The following MTUS2 variants were observed in gnomAD, a reference collection of about 807,000 sequenced individuals.
The protein encoded by MTUS2 is microtubule-associated tumor suppressor candidate 2.
MTUS2 carries 40 observed loss-of-function variants against 114.1 expected under a neutral mutation model. The ratio of observed to expected loss-of-function variants is 0.35; its 90% CI spans 0.27 to 0.46. The LOEUF (loss-of-function observed/expected upper bound fraction) is 0.46, where lower values mean the gene tolerates loss of function less well. Among genes scored for constraint, MTUS2 ranks in the 20% least tolerant of loss-of-function variants. The pLI, the probability that MTUS2 is intolerant of heterozygous loss-of-function variation, is 1.00. For synonymous variants in MTUS2, 688 were observed against 672.0 expected (o/e 1.02, Z -0.37); for missense variants, 1,679 against 1,705.4 (o/e 0.98, Z 0.27).
chr13:29,472,246 T>C (rs1342566592), intron 9 of MTUS2, among the ~76,000 whole-genome samples: 1 of 152,174 alleles, frequency 6.6e-6, no homozygotes, highest in Non-Finnish European at 1.5e-5. Context: ...GGTCTCCATC[T>C]CCTGACCTCA....
At chr13:29,232,857 G>A (rs4769703) in intron 5 of MTUS2, among the ~76,000 whole-genome samples, 115,624 of 152,166 alleles carry the variant, frequency 0.76, 44,058 homozygotes, top group East Asian at 0.89. Flanking sequence ...TGTATTAAAC[G>A]TTGTGGGAGT....
chr13:29,300,354 C>T lies in MTUS2; in HGVS notation c.2806+18489C>T, dbSNP rs1447740926. 2.6e-5 allele frequency among the ~76,000 whole-genome samples: 4 copies of T among 152,136 alleles called. No individual in the cohort carries two copies. The East Asian group carries it at 5.8e-4, about 22-fold the overall frequency. ...TACACATATTGTATTTAAAATGTTG[C>T]ACACCTGGTATTTTGCCCACCCTGC... On this transcript the variant is annotated intron_variant, in intron 6 of 15. Coordinates refer to ENST00000612955, the MANE Select transcript of MTUS2 (RefSeq NM_001033602.4).
intron 5 of MTUS2, among the ~76,000 whole-genome samples, chr13:29,203,921 C>T (rs1416306488): frequency 6.6e-6 from 1 of 152,090 alleles, no homozygotes; most frequent in Non-Finnish European, 1.5e-5. Context: ...AATCACCCAC[C>T]CTCTGCATTG....
intron 6 of MTUS2, among the ~76,000 whole-genome samples, chr13:29,313,732 C>G (rs1265872938): frequency 6.6e-6 from 1 of 151,950 alleles, no homozygotes; most frequent in Admixed American, 6.6e-5. Flanking sequence ...ATAATGGATA[C>G]AAAAAGATCC....
intron 2 of MTUS2, among the ~76,000 whole-genome samples, chr13:28,918,042 T>C (rs1349434462): frequency 6.6e-6 from 1 of 151,854 alleles, no homozygotes; most frequent in Non-Finnish European, 1.5e-5. Context: ...CTGTTATTGA[T>C]ATTAAGTTTT....
At chr13:29,455,489 A>G (rs1879037882) in intron 9 of MTUS2, among the ~76,000 whole-genome samples, 1 of 152,214 alleles carries the variant, frequency 6.6e-6, no homozygotes, top group Non-Finnish European at 1.5e-5. Flanking sequence ...CGAAAGACAA[A>G]TAAAACCATG....
chr13:29,195,088 T>G (rs1163956732), intron 5 of MTUS2, among the ~76,000 whole-genome samples: 1 of 113,518 alleles, frequency 8.8e-6, no homozygotes, highest in African/African-American at 3.4e-5. Flanking sequence ...CACTCGGGAC[T>G]GTTGTGGGGT....
At chr13:29,469,255 C>T (rs1880097768) in intron 9 of MTUS2, among the ~76,000 whole-genome samples, 2 of 152,192 alleles carry the variant, frequency 1.3e-5, no homozygotes, top group African/African-American at 2.4e-5. Flanking sequence ...CTGGACTTTT[C>T]ACTTTTTCCA....
At chr13:29,204,372 T>A (rs12585548) in intron 5 of MTUS2, among the ~76,000 whole-genome samples, 2 of 152,126 alleles carry the variant, frequency 1.3e-5, no homozygotes, top group Admixed American at 6.5e-5. Context: ...TGGGCCGGGG[T>A]TGCCAAGCCT....
intron 2 of MTUS2, among the ~76,000 whole-genome samples, chr13:28,859,947 G>T (rs1448548570): frequency 6.6e-6 from 1 of 152,152 alleles, no homozygotes; most frequent in African/African-American, 2.4e-5. Flanking sequence ...ACTCCATCCT[G>T]CCTACTTTCA....
At position 29,479,352 on chromosome 13, in the gene MTUS2, T is replaced by C. The variant is rs182775834; in HGVS notation, c.3185-798T>C. On this transcript the variant is annotated intron_variant, in intron 9 of 15. Coordinates refer to ENST00000612955, the MANE Select transcript of MTUS2 (RefSeq NM_001033602.4). ...GCAGCTCAGGGAGAGGTCTTTAGAA[T>C]GGAAGCACTTGGCTTTTGCCCACAG... Among the ~76,000 whole-genome samples the C allele has an allele frequency of 1.3e-3, 192 of 152,310 alleles. 1 individual carries two copies. Among genetic ancestry groups the C allele is most frequent in the African/African-American group, 4.5e-3 (185 of 41,558 alleles).
chr13:29,185,938 G>T (rs1479580680), intron 5 of MTUS2, among the ~76,000 whole-genome samples: 1 of 152,176 alleles, frequency 6.6e-6, no homozygotes, highest in Non-Finnish European at 1.5e-5. Flanking sequence ...TAGGCCTGAT[G>T]GCTCGTATCT....
chr13:29,445,978 TG>T (rs1208132516), intron 9 of MTUS2, among the ~76,000 whole-genome samples: 1 of 152,024 alleles, frequency 6.6e-6, no homozygotes, highest in African/African-American at 2.4e-5. Context: ...CCCTGGAAGT[TG>T]GTGGGTGGGA....
chr13:28,879,165 AT>A (rs1209828266), intron 2 of MTUS2, among the ~76,000 whole-genome samples: 3 of 149,494 alleles, frequency 2.0e-5, no homozygotes, highest in Non-Finnish European at 3.0e-5. Flanking sequence ...CTCACTTTTA[AT>A]TTTTTTTTCT....
At chr13:29,335,069 G>C (rs1012808140) in intron 7 of MTUS2, among the ~76,000 whole-genome samples, 4 of 152,178 alleles carry the variant, frequency 2.6e-5, no homozygotes, top group Admixed American at 6.5e-5. Flanking sequence ...TTAAAGTCTG[G>C]CTGCCTGTGG....
chr13:29,074,852 T>G (rs1889112615), intron 4 of MTUS2, among the ~76,000 whole-genome samples: 1 of 152,372 alleles, frequency 6.6e-6, no homozygotes, highest in East Asian at 1.9e-4. Flanking sequence ...ACAGTTTTAT[T>G]GAGATATAAT....
chr13:29,359,206 CAT>C (rs748280148), intron 7 of MTUS2, 54 bp from the exon 8 acceptor site: 2 of 1,489,508 alleles, frequency 1.3e-6, no homozygotes, highest in Non-Finnish European at 1.8e-6. Context: ...GCCGTTGTCA[CAT>C]GTGTACTGAG....
At chr13:29,208,082 T>C (rs1895267994) in intron 5 of MTUS2, among the ~76,000 whole-genome samples, 2 of 152,070 alleles carry the variant, frequency 1.3e-5, no homozygotes, top group Admixed American at 6.5e-5. Context: ...GGCAATTTTT[T>C]TATTATCATT....
intron 2 of MTUS2, among the ~76,000 whole-genome samples, chr13:28,997,897 G>T (rs1175416962): frequency 1.3e-5 from 2 of 152,154 alleles, no homozygotes; most frequent in South Asian, 2.1e-4. Context: ...TACATTTAAG[G>T]TTAGTATTGT....
Sources: allele counts gnomAD v4.1 joint callset (sites outside exome capture counted in the v4.1 genomes callset), GRCh38; gene constraint gnomAD v4.1.1; transcripts MANE v1.5; gene names NCBI Gene and HGNC (gene_info 2026-07-23, HGNC 2026-07-21).